SLC10A6: variants seen among roughly 807,000 people sequenced by gnomAD.
SLC10A6 encodes sodium-dependent organic anion transporter.
A neutral mutation model predicts 30.0 loss-of-function variants in SLC10A6; 27 were observed. The observed-to-expected ratio is 0.90, with a 90% CI of 0.66 to 1.24. SLC10A6 has a LOEUF of 1.24. SLC10A6 is among the 50% of genes most tolerant of loss of function. The pLI, the probability that SLC10A6 is intolerant of heterozygous loss-of-function variation, is 0.00. For missense variants in SLC10A6, 439 were observed against 457.0 expected, an observed-to-expected ratio of 0.96 and a Z score of 0.36; for synonymous variants, 166 against 173.8, an observed-to-expected ratio of 0.95 and a Z score of 0.36.
chr4:86,835,723 AAGG>A (rs1746171224), intron 1 of SLC10A6, among the ~76,000 whole-genome samples: 1 of 144,172 alleles, frequency 6.9e-6, no homozygotes, highest in African/African-American at 2.8e-5. Flanking sequence ...AAAGAAAGAA[AAGG>A]AGAAGAAAGA....
At chr4:86,842,480 A>C (rs985885735) in intron 1 of SLC10A6, among the ~76,000 whole-genome samples, 4 of 152,206 alleles carry the variant, frequency 2.6e-5, no homozygotes, top group African/African-American at 7.2e-5. Context: ...GCTTGAGCCC[A>C]GGAGTTCAAG....
intron 3 of SLC10A6, among the ~76,000 whole-genome samples, chr4:86,829,687 T>C (rs370489707): frequency 6.6e-6 from 1 of 151,498 alleles, no homozygotes; most frequent in East Asian, 1.9e-4. Flanking sequence ...AAAATTAAAA[T>C]GGAACTAAGA....
Position 86,833,286 on chromosome 4 carries a change from T to C in SLC10A6, c.496+20A>G. 9.0e-6 allele frequency: 14 copies of C among 1,551,382 alleles called. No homozygotes were observed. Among genetic ancestry groups the C allele is most frequent in the African/African-American group, 1.4e-5 (1 of 73,678 alleles). Reference sequence around the variant, plus strand: ...CATCACCATTACTGTTAGTCCTCCATTTCCCAGGCCCATACAGACCTATGT... The same window carrying C: ...CATCACCATTACTGTTAGTCCTCCACTTCCCAGGCCCATACAGACCTATGT... On this transcript the variant is annotated intron_variant, in intron 2 of 5. Transcript: ENST00000273905.
chr4:86,841,052 G>A (rs944588833), intron 1 of SLC10A6, among the ~76,000 whole-genome samples: 1 of 152,200 alleles, frequency 6.6e-6, no homozygotes, highest in African/African-American at 2.4e-5. Flanking sequence ...GTCTATGATA[G>A]TGCTACATTC....
At chr4:86,838,937 T>G (rs1220306025) in intron 1 of SLC10A6, among the ~76,000 whole-genome samples, 1 of 129,160 alleles carries the variant, frequency 7.7e-6, no homozygotes, top group Admixed American at 7.9e-5. Context: ...AAAAAAAAAA[T>G]TATGCTCTTC....
intron 1 of SLC10A6, among the ~76,000 whole-genome samples, chr4:86,847,639 C>T (rs540599032): frequency 2.0e-4 from 31 of 152,080 alleles, no homozygotes; most frequent in African/African-American, 7.5e-4. Context: ...GGTATGAGCC[C>T]ATTAAAATTT....
chr4:86,839,900 C>CTTATTTTTTTTT (rs1746262206), intron 1 of SLC10A6, among the ~76,000 whole-genome samples: 1 of 141,470 alleles, frequency 7.1e-6, no homozygotes, highest in Non-Finnish European at 1.5e-5. Flanking sequence ...TTGTTACACT[C>CTTATTTTTTTTT]TTATTTTTTT....
chr4:86,837,127 T>C (rs1349420220), intron 1 of SLC10A6, among the ~76,000 whole-genome samples: 1 of 151,188 alleles, frequency 6.6e-6, no homozygotes, highest in Admixed American at 6.6e-5. Context: ...CATTAACTGA[T>C]AGTTAATATT....
intron 1 of SLC10A6, among the ~76,000 whole-genome samples, chr4:86,847,128 T>C (rs1236805166): frequency 6.6e-6 from 1 of 152,206 alleles, no homozygotes; most frequent in African/African-American, 2.4e-5. Flanking sequence ...GTAAAACAGA[T>C]GAGAATTCAA....
intron 3 of SLC10A6, among the ~76,000 whole-genome samples, chr4:86,830,111 A>C (rs941142746): frequency 1.3e-5 from 2 of 152,198 alleles, no homozygotes; most frequent in Admixed American, 1.3e-4. Flanking sequence ...AATGTGGAAA[A>C]GGGGCCAGGC....
At chr4:86,826,316 C>T (rs759354873) in intron 4 of SLC10A6, among the ~76,000 whole-genome samples, 11 of 152,156 alleles carry the variant, frequency 7.2e-5, no homozygotes, top group Non-Finnish European at 1.2e-4. Context: ...CAGTGGCTCA[C>T]GCCTGTAATC....
chr4:86,834,888 C>A (rs752487444), intron 1 of SLC10A6, among the ~76,000 whole-genome samples: 4 of 152,008 alleles, frequency 2.6e-5, no homozygotes, highest in Non-Finnish European at 4.4e-5. Flanking sequence ...AGAGAGGGAG[C>A]AAGGGAGAGT....
At chr4:86,837,142 AT>A (rs1746198779) in intron 1 of SLC10A6, among the ~76,000 whole-genome samples, 1 of 151,014 alleles carries the variant, frequency 6.6e-6, no homozygotes, top group African/African-American at 2.4e-5. Context: ...AATATTTTAT[AT>A]ATTGTAAAGC....
rs569694731 is a variant in SLC10A6, at chr4:86,827,873, G to A, written c.761+120C>T. ...ACCCTCTTTTATGCTTAGTTATCCT[G>A]TCGATTCCACTATGTAAGTCAAAAC... On this transcript the variant is annotated intron_variant, in intron 4 of 5. Transcript: ENST00000273905. The A allele has an allele frequency of 1.5e-4, 121 of 812,004 alleles. No homozygotes were observed. In the East Asian group the frequency reaches 3.5e-3, roughly 23 times the overall value. The allele number at this position is 812,004 out of a possible 1,614,324, so 50.3% of individuals were successfully genotyped here.
intron 1 of SLC10A6, among the ~76,000 whole-genome samples, chr4:86,837,338 GAA>G (rs1560460512): frequency 6.7e-6 from 1 of 150,110 alleles, no homozygotes; most frequent in Admixed American, 6.6e-5. Context: ...AGGAAGGAAG[GAA>G]GGAAGGCAGG....
Position 86,828,157 on chromosome 4 carries a change from A to G in SLC10A6, c.597T>C (p.Val199=), listed in dbSNP as rs781256597. The G allele has an allele frequency of 1.6e-5, 25 of 1,612,368 alleles. No homozygotes were observed. Among genetic ancestry groups the G allele is most frequent in the Non-Finnish European group, 2.0e-5 (24 of 1,179,432 alleles). ...QSKIILKIGA[V]VGGVLLLVVA... ...CCACCAGAAGGAGGACCCCACCAAC[A>G]ACGGCCCCAATCTGAAGCAAACAAT... Residue 199 remains valine (V), a synonymous_variant, in exon 4 of 6, where the codon GTT becomes GTC. Transcript: ENST00000273905.
chr4:86,845,031 T>C (rs1746369279), intron 1 of SLC10A6, among the ~76,000 whole-genome samples: 2 of 152,118 alleles, frequency 1.3e-5, no homozygotes, highest in South Asian at 2.1e-4. Context: ...GGAATTACAA[T>C]TCGAGATGAG....
intron 2 of SLC10A6, among the ~76,000 whole-genome samples, chr4:86,832,329 G>C (rs1746093230): frequency 6.6e-6 from 1 of 152,142 alleles, no homozygotes; most frequent in Non-Finnish European, 1.5e-5. Flanking sequence ...TGTTGGCCAG[G>C]CACGGTGGCT....
intron 5 of SLC10A6, 59 bp downstream of exon 5, chr4:86,825,361 G>A: frequency 2.7e-6 from 4 of 1,504,454 alleles, no homozygotes; most frequent in Non-Finnish European, 3.6e-6. Flanking sequence ...AAAAAAGTTG[G>A]TAAGTTGGGG....
Sources: gnomAD v4.1 joint callset for allele counts (sites outside exome capture counted in the v4.1 genomes callset) on GRCh38, gnomAD v4.1.1 for gene constraint, MANE v1.5 for transcripts, NCBI Gene and HGNC (gene_info 2026-07-23, HGNC 2026-07-21) for gene names.